The following TFAP2C variants were observed in gnomAD, a reference collection of about 807,000 sequenced individuals.
TFAP2C encodes activating enhancer-binding protein 2 gamma.
TFAP2C carries 9 observed loss-of-function variants against 42.9 expected under a neutral mutation model. The ratio of observed to expected loss-of-function variants is 0.21; its 90% CI spans 0.13 to 0.37. The LOEUF (loss-of-function observed/expected upper bound fraction) is 0.37, where lower values mean the gene tolerates loss of function less well. Ranked by LOEUF, TFAP2C falls within the 10% of genes least tolerant of loss-of-function variation. The pLI is 1.00. For missense variants in TFAP2C, 462 were observed against 591.7 expected (o/e 0.78, Z 2.27); for synonymous variants, 264 against 256.0 (o/e 1.03, Z -0.30).
At chr20:56,634,948 A>T (rs1477556619) in intron 5 of TFAP2C, among the ~76,000 whole-genome samples, 2 of 152,172 alleles carry the variant, frequency 1.3e-5, no homozygotes, top group African/African-American at 2.4e-5. Context: ...AAGTAAAATA[A>T]TTTTTTAAAA....
Position 56,629,348 on chromosome 20 carries a change from G to C in TFAP2C, c.-197G>C. On this transcript the variant is annotated 5_prime_UTR_variant, in exon 1 of 7. Transcript: ENST00000201031. The surrounding 1 kb of genome is among the most constrained non-coding windows in gnomAD (Gnocchi z 5.9). Reference sequence around the variant, plus strand: ...CGCGGCTTTCCCCGTCCGCGGAGCGGTCTTGACACTCGCGGCGGCAGCATC... The same window carrying C: ...CGCGGCTTTCCCCGTCCGCGGAGCGCTCTTGACACTCGCGGCGGCAGCATC... The C allele has an allele frequency of 2.4e-6, 1 of 423,138 alleles. No individual in the cohort carries two copies. The allele number at this position is 423,138 out of a possible 1,614,324, so 26.2% of individuals were successfully genotyped here. A position where few individuals can be genotyped will look rare whatever the true frequency, so the allele number is the denominator to read the frequency against.
chr20:56,634,717 G>C (rs534061797), intron 5 of TFAP2C, among the ~76,000 whole-genome samples: 2 of 152,252 alleles, frequency 1.3e-5, no homozygotes, highest in Admixed American at 1.3e-4. Flanking sequence ...TCAGTGAAGA[G>C]AACCTCTTGT....
In TFAP2C at chr20:56,629,878, GT is replaced by G. The variant is rs1184998750; in HGVS notation, c.48+290del. Among the ~76,000 whole-genome samples, 1 of 152,142 alleles carries G rather than the reference GT, an allele frequency of 6.6e-6. No individual in the cohort carries two copies. The highest frequency in any genetic ancestry group is 1.9e-4 in the East Asian group (1 of 5,176). On this transcript the variant is annotated intron_variant, in intron 1 of 6. Coordinates refer to ENST00000201031, the MANE Select transcript of TFAP2C (RefSeq NM_003222.4). This position sits in a 1 kb window ranked among gnomAD's most constrained non-coding sequence, Gnocchi z 5.9. Reference sequence around the variant, plus strand: ...TAAGCGGCAAACAGCCCTGCTTCCCGTTTTCTCGGAAAAGTGCCCCGTCTGC... The same window carrying G: ...TAAGCGGCAAACAGCCCTGCTTCCCGTTTCTCGGAAAAGTGCCCCGTCTGC...
Position 56,629,505 on chromosome 20 carries a change from T to C in TFAP2C, c.-40T>C. On this transcript the variant is annotated 5_prime_UTR_variant, in exon 1 of 7. Transcript: ENST00000201031. This position sits in a 1 kb window ranked among gnomAD's most constrained non-coding sequence, Gnocchi z 5.9. ...TACCGCTTGGGGGCTGGGGGGATCC[T>C]GGATTTAACTGGCGACTGTTTTGGG... 1 of 1,387,460 alleles carries C rather than the reference T, an allele frequency of 7.2e-7. No homozygotes were observed. Among genetic ancestry groups the C allele is most frequent in the Non-Finnish European group, 9.4e-7 (1 of 1,066,044 alleles). 85.9% of individuals were successfully genotyped at this position (1,387,460 alleles called of 1,614,324 possible).
chr20:56,636,816 T>C, intron 6 of TFAP2C, 62 bp downstream of exon 6: 10 of 1,545,982 alleles, frequency 6.5e-6, no homozygotes, highest in Non-Finnish European at 8.7e-6. Context: ...GTTGAGAAGA[T>C]TCCCCCTCCA....
In TFAP2C at chr20:56,631,894, C is replaced by T. The variant is rs1987500976; in HGVS notation, c.586+38C>T. ...GTGGCATCGTCTAACTCTGGTCACA[C>T]GATCTGGGCTTGTGAAGTTGACTGG... On this transcript the variant is annotated intron_variant, in intron 3 of 6. Coordinates refer to ENST00000201031, the MANE Select transcript of TFAP2C (RefSeq NM_003222.4). The surrounding 1 kb of genome is among the most constrained non-coding windows in gnomAD (Gnocchi z 6.1). The T allele has an allele frequency of 1.9e-6, 3 of 1,611,686 alleles. No individual in the cohort carries two copies. Among genetic ancestry groups the T allele is most frequent in the African/African-American group, 1.3e-5 (1 of 74,884 alleles).
At position 56,638,334 on chromosome 20, in the gene TFAP2C, CATTCCCTG is replaced by C; in HGVS notation, c.*322_*329del. The C allele has an allele frequency of 3.8e-6, 1 of 262,606 alleles. No individual in the cohort carries two copies. Among genetic ancestry groups the C allele is most frequent in the East Asian group, 7.4e-5 (1 of 13,538 alleles). The allele number at this position is 262,606 out of a possible 1,614,324, so 16.3% of individuals were successfully genotyped here. On this transcript the variant is annotated 3_prime_UTR_variant, in exon 7 of 7. Transcript: ENST00000201031. ...TATAAGTTTTAGAATCTTTTAAATACATTCCCTGGGCCAACAGACCCACACACTTAGCC... is the reference window on the plus strand; with the variant it reads ...TATAAGTTTTAGAATCTTTTAAATACGGCCAACAGACCCACACACTTAGCC...
At chr20:56,637,407 G>A (rs528641187) in intron 6 of TFAP2C, among the ~76,000 whole-genome samples, 31 of 152,308 alleles carry the variant, frequency 2.0e-4, no homozygotes, top group African/African-American at 7.0e-4. Flanking sequence ...TGTCCCTTAA[G>A]CTCATGGGTT....
In TFAP2C at chr20:56,630,413, T is replaced by A. The variant is rs761685088; in HGVS notation, c.49-792T>A. 80 of 450,378 alleles carry A rather than the reference T, an allele frequency of 1.8e-4. No homozygotes were observed. The highest frequency in any genetic ancestry group is 1.3e-3 in the African/African-American group (65 of 48,802). The allele number at this position is 450,378 out of a possible 1,614,324, so 27.9% of individuals were successfully genotyped here. On this transcript the variant is annotated intron_variant, in intron 1 of 6. Transcript: ENST00000201031. This position sits in a 1 kb window ranked among gnomAD's most constrained non-coding sequence, Gnocchi z 5.1. ...AGACCCCTGGGCAGATGGGGACGCA[T>A]CCTTTAGAAACTGAGTCGGGCCGCC...
Position 56,629,588 on chromosome 20 carries a change from G to T in TFAP2C, c.44G>T (p.Cys15Phe). ...ITDNVKYEED[C>F]EDRHDGSSNG... Reference sequence around the variant, plus strand: ...GATAATGTCAAGTACGAAGAGGACTGCGAGGTGAGCTGGGGCTCCGGGGTG... The same window carrying T: ...GATAATGTCAAGTACGAAGAGGACTTCGAGGTGAGCTGGGGCTCCGGGGTG... The change falls in exon 1 of 7, where the codon TGC (cysteine) becomes TTC (phenylalanine). Residue 15 changes from cysteine to phenylalanine, a missense_variant. Around this residue, in one of 5 missense-constraint regions of TFAP2C, gnomAD observed 271 missense variants for 269.7 expected, o/e 1.00. Transcript: ENST00000201031. This position sits in a 1 kb window ranked among gnomAD's most constrained non-coding sequence, Gnocchi z 5.9. 1 of 1,423,254 alleles carries T rather than the reference G, an allele frequency of 7.0e-7. No homozygotes were observed. Among genetic ancestry groups the T allele is most frequent in the East Asian group, 2.7e-5 (1 of 36,688 alleles). The allele number at this position is 1,423,254 out of a possible 1,614,324, so 88.2% of individuals were successfully genotyped here.
chr20:56,638,155 C>T lies in TFAP2C; in HGVS notation c.*142C>T. On this transcript the variant is annotated 3_prime_UTR_variant, in exon 7 of 7. Transcript: ENST00000201031. ...ACTATTTAAAGAGCCTTCACTGGTT[C>T]TGCATCACCCGCCCCTGGACTTCTT... 1.4e-6 allele frequency: 1 copy of T among 712,978 alleles called. No homozygotes were observed. Among genetic ancestry groups the T allele is most frequent in the Non-Finnish European group, 2.3e-6 (1 of 439,876 alleles). The allele number at this position is 712,978 out of a possible 1,614,324, so 44.2% of individuals were successfully genotyped here.
intron 5 of TFAP2C, 92 bp from the exon 6 acceptor site, chr20:56,636,518 T>TC (rs1335495453): frequency 2.2e-6 from 3 of 1,346,622 alleles, no homozygotes; most frequent in Non-Finnish European, 3.0e-6. Context: ...AGAGCGAGAC[T>TC]CCGTGTCAAA....
At chr20:56,636,363 C>T (rs1047459537) in intron 5 of TFAP2C, among the ~76,000 whole-genome samples, 3 of 152,114 alleles carry the variant, frequency 2.0e-5, no homozygotes, top group African/African-American at 7.2e-5. Flanking sequence ...CCTGTATCTA[C>T]TAAAAATACA....
Position 56,637,723 on chromosome 20 carries a change from C to A in TFAP2C, c.1068-5C>A. 6.2e-7 allele frequency: 1 copy of A among 1,613,310 alleles called. No homozygotes were observed. ...ACTCATCGAGTCAACTGACTGTCTT[C>A]ACAGGCAACTGTGTAAAGAATTCAC... On this transcript the variant is annotated splice_region_variant and splice_polypyrimidine_tract_variant and intron_variant, in intron 6 of 6. Transcript: ENST00000201031.
intron 3 of TFAP2C, 137 bp from the exon 4 acceptor site, chr20:56,633,216 G>T: frequency 1.6e-6 from 1 of 624,558 alleles, no homozygotes. Flanking sequence ...TTTAAATAAA[G>T]TCAGCCTGCA....
Position 56,633,283 on chromosome 20 carries a change from T to G in TFAP2C, c.587-70T>G, listed in dbSNP as rs142676160. The G allele has an allele frequency of 3.1e-4, 386 of 1,225,734 alleles. No individual in the cohort carries two copies. The African/African-American group carries it at 4.3e-3, about 14-fold the overall frequency. The allele number at this position is 1,225,734 out of a possible 1,614,324, so 75.9% of individuals were successfully genotyped here. A position where few individuals can be genotyped will look rare whatever the true frequency, so the allele number is the denominator to read the frequency against. ...TAAAGATCACTTTCAGCTTTGGTTATTGGTTTTGAAAAGGTCTCTTTTGCT... is the reference window on the plus strand; with the variant it reads ...TAAAGATCACTTTCAGCTTTGGTTAGTGGTTTTGAAAAGGTCTCTTTTGCT... On this transcript the variant is annotated intron_variant, in intron 3 of 6. Coordinates refer to ENST00000201031, the MANE Select transcript of TFAP2C (RefSeq NM_003222.4).
At chr20:56,637,522 G>A (rs183578824) in intron 6 of TFAP2C, among the ~76,000 whole-genome samples, 1 of 152,340 alleles carries the variant, frequency 6.6e-6, no homozygotes, top group East Asian at 1.9e-4. Context: ...GATTAAATAA[G>A]ATAGTGCTTT....
chr20:56,630,058 G>T lies in TFAP2C; in HGVS notation c.48+466G>T, dbSNP rs1283952459. ...GAAGCACGAAAACAACCGAAGTTTG[G>T]CTTTCAAAAGAAGTGGGGGCTGGGG... On this transcript the variant is annotated intron_variant, in intron 1 of 6. Coordinates refer to ENST00000201031, the MANE Select transcript of TFAP2C (RefSeq NM_003222.4). This position sits in a 1 kb window ranked among gnomAD's most constrained non-coding sequence, Gnocchi z 5.1. Among the ~76,000 whole-genome samples the T allele has an allele frequency of 6.6e-6, 1 of 152,158 alleles. No individual in the cohort carries two copies.
rs1347827620 is a variant in TFAP2C at position 56,636,770 on chromosome 20, T to C, written c.1067+16T>C. 6.2e-7 allele frequency: 1 copy of C among 1,608,316 alleles called. No individual in the cohort carries two copies. The highest frequency in any genetic ancestry group is 1.3e-5 in the African/African-American group (1 of 74,768). On this transcript the variant is annotated intron_variant, in intron 6 of 6. Transcript: ENST00000201031. ...TGGCGGCCCAGTAAGTATCTGAACT[T>C]GAATTTGATGATGACTCAATGCTCT...
Sources: allele counts gnomAD v4.1 joint callset (sites outside exome capture counted in the v4.1 genomes callset), GRCh38; gene constraint gnomAD v4.1.1; regional missense constraint gnomAD v4.1.1; non-coding constraint Gnocchi (gnomAD v3.1); transcripts MANE v1.5; gene names NCBI Gene and HGNC (gene_info 2026-07-23, HGNC 2026-07-21).